NOL4: variants seen among roughly 807,000 people sequenced by gnomAD.
NOL4 encodes the protein nucleolar protein 4.
A neutral mutation model predicts 75.9 loss-of-function variants in NOL4; 17 were observed. The observed-to-expected ratio is 0.22, with a 90% confidence interval of 0.15 to 0.34. NOL4 has a LOEUF of 0.34. Ranked by LOEUF, NOL4 falls within the 10% of genes least tolerant of loss-of-function variation. The pLI, the probability that NOL4 is intolerant of heterozygous loss-of-function variation, is 1.00. For missense variants in NOL4, 614 were observed against 793.5 expected, an observed-to-expected ratio of 0.77 and a Z score of 2.72; for synonymous variants, 292 against 289.9, an observed-to-expected ratio of 1.01 and a Z score of -0.07.
chr18:34,161,433 T>A (rs766872602), intron 1 of NOL4, among the ~76,000 whole-genome samples: 2 of 152,162 alleles, frequency 1.3e-5, no homozygotes, highest in Non-Finnish European at 2.9e-5. Context: ...GTATAATACA[T>A]CAAAAGGAGG....
At chr18:34,040,258 G>A (rs888520032) in intron 5 of NOL4, among the ~76,000 whole-genome samples, 1 of 151,810 alleles carries the variant, frequency 6.6e-6, no homozygotes, top group African/African-American at 2.4e-5. Flanking sequence ...GTGAAGAATA[G>A]GGGACCCTTC....
At chr18:34,190,811 A>G (rs1435175516) in intron 1 of NOL4, among the ~76,000 whole-genome samples, 1 of 151,938 alleles carries the variant, frequency 6.6e-6, no homozygotes, top group Non-Finnish European at 1.5e-5. Flanking sequence ...CCAAAAAAGT[A>G]CATTAATGTT....
intron 1 of NOL4, among the ~76,000 whole-genome samples, chr18:34,168,933 A>G (rs1250390052): frequency 6.6e-6 from 1 of 151,996 alleles, no homozygotes; most frequent in Admixed American, 6.5e-5. Context: ...TTAAAAATAG[A>G]AATATACAAA....
chr18:34,216,574 A>G (rs2036904084), intron 1 of NOL4, among the ~76,000 whole-genome samples: 1 of 150,824 alleles, frequency 6.6e-6, no homozygotes, highest in Non-Finnish European at 1.5e-5. Flanking sequence ...TTTAACATTA[A>G]TATCAACAAC....
intron 1 of NOL4, among the ~76,000 whole-genome samples, chr18:34,168,919 G>A (rs903850221): frequency 5.9e-5 from 9 of 151,606 alleles, no homozygotes; most frequent in African/African-American, 1.9e-4. Context: ...CAAAGAATGC[G>A]ATATTAAAAA....
At chr18:34,203,717 T>TCTCTCTCTCTCTCTCACA (rs1261546835) in intron 1 of NOL4, among the ~76,000 whole-genome samples, 1 of 72,262 alleles carries the variant, frequency 1.4e-5, no homozygotes, top group African/African-American at 5.0e-5. Flanking sequence ...TCTCTCTCTC[T>TCTCTCTCTCTCTCTCACA]CACACACACA....
intron 9 of NOL4, among the ~76,000 whole-genome samples, chr18:33,916,828 C>T (rs531083708): frequency 1.3e-5 from 2 of 152,210 alleles, no homozygotes; most frequent in East Asian, 1.9e-4. Flanking sequence ...ATCTTCTAAA[C>T]TTAGCTATTT....
chr18:34,071,216 C>T (rs1053039926), intron 5 of NOL4, among the ~76,000 whole-genome samples: 3 of 152,026 alleles, frequency 2.0e-5, no homozygotes, highest in Non-Finnish European at 2.9e-5. Flanking sequence ...CCACTAAATA[C>T]GTACAAAGAT....
intron 5 of NOL4, among the ~76,000 whole-genome samples, chr18:34,079,686 T>G (rs2077911447): frequency 6.6e-6 from 1 of 152,130 alleles, no homozygotes; most frequent in Admixed American, 6.6e-5. Flanking sequence ...ACACATATGA[T>G]TGAACGATTA....
chr18:33,931,838 T>G (rs922337479), intron 9 of NOL4, among the ~76,000 whole-genome samples: 1 of 152,104 alleles, frequency 6.6e-6, no homozygotes, highest in South Asian at 2.1e-4. Flanking sequence ...TAGTTTGGTA[T>G]AAATGCAAAG....
intron 1 of NOL4, among the ~76,000 whole-genome samples, chr18:34,163,861 C>G (rs900554780): frequency 4.6e-5 from 7 of 152,128 alleles, no homozygotes; most frequent in African/African-American, 1.7e-4. Context: ...CTACAGTAAC[C>G]CAAACAGCAT....
At chr18:34,146,551 T>C (rs988070206) in intron 1 of NOL4, among the ~76,000 whole-genome samples, 1 of 152,176 alleles carries the variant, frequency 6.6e-6, no homozygotes, top group Non-Finnish European at 1.5e-5. Flanking sequence ...CGTGGCGTTA[T>C]TTCTGAGGCC....
intron 10 of NOL4, among the ~76,000 whole-genome samples, chr18:33,864,670 T>A (rs970095800): frequency 6.6e-6 from 1 of 152,192 alleles, no homozygotes; most frequent in East Asian, 1.9e-4. Context: ...TTTCAGGTTA[T>A]CTTTATAGCA....
chr18:33,914,475 A>C (rs1284541230), intron 9 of NOL4, among the ~76,000 whole-genome samples: 2 of 152,106 alleles, frequency 1.3e-5, no homozygotes, highest in Non-Finnish European at 1.5e-5. Context: ...TCAGTCAAAT[A>C]ATAATGACAT....
intron 6 of NOL4, among the ~76,000 whole-genome samples, chr18:34,014,130 A>T (rs928479456): frequency 6.6e-6 from 1 of 151,996 alleles, no homozygotes; most frequent in Non-Finnish European, 1.5e-5. Flanking sequence ...ATCATATTTA[A>T]ATGAAATTAA....
intron 9 of NOL4, among the ~76,000 whole-genome samples, chr18:33,933,380 G>T (rs913484862): frequency 3.9e-5 from 6 of 152,110 alleles, no homozygotes; most frequent in African/African-American, 1.4e-4. Context: ...GTGTGGTTGT[G>T]ACAATTTCTT....
chr18:34,141,429 A>G (rs1175304451), intron 1 of NOL4, among the ~76,000 whole-genome samples: 1 of 152,196 alleles, frequency 6.6e-6, no homozygotes. Flanking sequence ...CCTGACTTCA[A>G]ACTATACTAT....
intron 1 of NOL4, among the ~76,000 whole-genome samples, chr18:34,217,530 G>T (rs549271565): frequency 2.6e-5 from 4 of 151,924 alleles, no homozygotes; most frequent in African/African-American, 7.2e-5. Flanking sequence ...CAGGCAATCC[G>T]CCTGCCTCAG....
At chr18:33,939,021 T>G (rs1161546817) in intron 9 of NOL4, among the ~76,000 whole-genome samples, 3 of 152,210 alleles carry the variant, frequency 2.0e-5, no homozygotes, top group Non-Finnish European at 4.4e-5. Flanking sequence ...CAACACCGTT[T>G]ATTAAATAGG....
Sources: allele counts gnomAD v4.1 joint callset (sites outside exome capture counted in the v4.1 genomes callset), GRCh38; gene constraint gnomAD v4.1.1; transcripts MANE v1.5; gene names NCBI Gene and HGNC (gene_info 2026-07-23, HGNC 2026-07-21).